The following BICRA variants were observed in gnomAD, a reference collection of about 807,000 sequenced individuals.
BICRA encodes the protein BRD4-interacting chromatin-remodeling complex-associated protein.
A neutral mutation model predicts 96.9 loss-of-function variants in BICRA; 31 were observed. That is an observed-to-expected ratio of 0.32 (90% CI 0.24 to 0.43). The LOEUF is 0.43. Ranked by LOEUF, BICRA falls within the 20% of genes least tolerant of loss-of-function variation. The probability of loss-of-function intolerance (pLI) is 1.00; values close to 1 mark genes in which losing one functional copy is unlikely to be tolerated. For missense variants in BICRA, 2,283 were observed against 2,190.3 expected (o/e 1.04, Z -0.84); for synonymous variants, 1,350 against 1,071.8 (o/e 1.26, Z -5.07).
At chr19:47,612,524 C>T (rs1971923706) in intron 1 of BICRA, among the ~76,000 whole-genome samples, 1 of 149,336 alleles carries the variant, frequency 6.7e-6, no homozygotes, top group South Asian at 2.1e-4. Context: ...AACAATTCCC[C>T]TTCAGTGACA....
Position 47,702,474 on chromosome 19 carries a change from G to A in BICRA, c.*59G>A, listed in dbSNP as rs1338598193. 1 of 1,409,586 alleles carries A rather than the reference G, an allele frequency of 7.1e-7. No individual in the cohort carries two copies. The highest frequency in any genetic ancestry group is 9.2e-7 in the Non-Finnish European group (1 of 1,091,394). 87.3% of individuals were successfully genotyped at this position (1,409,586 alleles called of 1,614,324 possible). On this transcript the variant is annotated 3_prime_UTR_variant, in exon 15 of 15. Transcript: ENST00000594866. ...CCCGAAGACGCCGGGACAGTCGGGT[G>A]TCCGCCCTCAGCCTCCTGGGGACTC...
rs147144150 is a variant in BICRA, at chr19:47,674,130, A to G, written c.84+368A>G. Among the ~76,000 whole-genome samples the G allele has an allele frequency of 4.1e-3, 622 of 152,300 alleles. 5 individuals are homozygous for G. The highest frequency in any genetic ancestry group is 9.9e-3 in the Admixed American group (151 of 15,286). On this transcript the variant is annotated intron_variant, in intron 4 of 14. Coordinates refer to ENST00000594866, the MANE Select transcript of BICRA (RefSeq NM_001394372.1). ...GGTCACACGAGGGAGGTAACATTGA[A>G]GGTGAGACCTGAAGGATCACAGGGA...
chr19:47,622,711 G>C (rs1972082400), intron 1 of BICRA, among the ~76,000 whole-genome samples: 1 of 109,180 alleles, frequency 9.2e-6, no homozygotes, highest in African/African-American at 3.6e-5. Flanking sequence ...GTGACAGAGT[G>C]AGACTCTGTC....
At chr19:47,621,421 A>G (rs1972062743) in intron 1 of BICRA, among the ~76,000 whole-genome samples, 1 of 150,478 alleles carries the variant, frequency 6.6e-6, no homozygotes, top group Admixed American at 6.6e-5. Context: ...CTTCTCAAGC[A>G]TGTCCCCTTC....
intron 1 of BICRA, among the ~76,000 whole-genome samples, chr19:47,659,877 G>A (rs1234061552): frequency 6.6e-6 from 1 of 152,094 alleles, no homozygotes; most frequent in African/African-American, 2.4e-5. Flanking sequence ...AGCTTCCCAA[G>A]TAGCTGGGAC....
At chr19:47,632,654 G>A (rs762134805) in intron 1 of BICRA, among the ~76,000 whole-genome samples, 6 of 152,174 alleles carry the variant, frequency 3.9e-5, no homozygotes, top group Non-Finnish European at 5.9e-5. Context: ...TAATAGTACC[G>A]CCCTCATGGG....
intron 1 of BICRA, among the ~76,000 whole-genome samples, chr19:47,611,973 C>T (rs1390381055): frequency 2.0e-5 from 3 of 151,600 alleles, no homozygotes; most frequent in African/African-American, 4.9e-5. Flanking sequence ...CAGGTTCAAG[C>T]GATTGTCCTG....
intron 8 of BICRA, 27 bp downstream of exon 8, chr19:47,694,753 C>T: frequency 8.4e-7 from 1 of 1,192,126 alleles, no homozygotes; most frequent in Non-Finnish European, 1.2e-6. Context: ...ACTGCCCGCC[C>T]CATCAGCCCC....
intron 7 of BICRA, among the ~76,000 whole-genome samples, chr19:47,682,427 A>C (rs1347538360): frequency 6.6e-6 from 1 of 152,180 alleles, no homozygotes; most frequent in Non-Finnish European, 1.5e-5. Context: ...TGAATAAGTA[A>C]TACATTCAGA....
intron 1 of BICRA, among the ~76,000 whole-genome samples, chr19:47,638,584 C>T (rs1014230413): frequency 3.4e-5 from 5 of 146,124 alleles, no homozygotes; most frequent in East Asian, 2.1e-4. Context: ...CTCTGTCACT[C>T]GCTCTCTCTG....
rs1973408582 is a variant in BICRA, at chr19:47,699,570, C to CGGGA, written c.3595+165_3595+166insGGGA. Among the ~76,000 whole-genome samples, 1 of 152,142 alleles carries CGGGA rather than the reference C, an allele frequency of 6.6e-6. No homozygotes were observed. Among genetic ancestry groups the CGGGA allele is most frequent in the South Asian group, 2.1e-4 (1 of 4,826 alleles). On this transcript the variant is annotated intron_variant, in intron 14 of 14. Transcript: ENST00000594866. This position sits in a 1 kb window ranked among gnomAD's most constrained non-coding sequence, Gnocchi z 5.0. The stretch of plus-strand genomic sequence containing the variant: ...TGCTGGCAGCTGTGCCTCCCCTGAC[C>CGGGA]TCCCGCCTCTCAGACCAGATAGCCC...
rs1348921925 is a variant in BICRA at position 47,681,960 on chromosome 19, G to A, written c.2107-16G>A. 7 of 1,537,122 alleles carry A rather than the reference G, an allele frequency of 4.6e-6. No individual in the cohort carries two copies. Among genetic ancestry groups the A allele is most frequent in the Non-Finnish European group, 6.1e-6 (7 of 1,143,206 alleles). ...TGGGGGCGGCTTTCTGATCCTGTGC[G>A]GGCTGCCCGTTGCAGGAGAGGAGCC... On this transcript the variant is annotated splice_polypyrimidine_tract_variant and intron_variant, in intron 6 of 14. Coordinates refer to ENST00000594866, the MANE Select transcript of BICRA (RefSeq NM_001394372.1).
At chr19:47,619,049 C>T (rs553520763) in intron 1 of BICRA, among the ~76,000 whole-genome samples, 9 of 152,268 alleles carry the variant, frequency 5.9e-5, no homozygotes, top group South Asian at 2.1e-4. Flanking sequence ...GGCCTGGGTG[C>T]GGGAGTTCTC....
Position 47,680,320 on chromosome 19 carries a change from C to T in BICRA, c.1150C>T (p.Pro384Ser), listed in dbSNP as rs781241214. ...AGATLTIQGEPGALPQQPKAP... is the reference protein window; with the variant it reads ...AGATLTIQGESGALPQQPKAP... The stretch of plus-strand genomic sequence containing the variant: ...CGCCACGCTCACCATCCAGGGCGAG[C>T]CGGGGGCGCTCCCGCAGCAGCCCAA... The change falls in exon 6 of 15, where the codon CCG (proline) becomes TCG (serine). Residue 384 changes from proline (P) to serine (S), a missense_variant. Transcript: ENST00000594866. 1 of 1,541,258 alleles carries T rather than the reference C, an allele frequency of 6.5e-7. No individual in the cohort carries two copies. The highest frequency in any genetic ancestry group is 8.7e-7 in the Non-Finnish European group (1 of 1,151,026).
In BICRA at chr19:47,698,582, CCCGTCCCCCCCACCCTCCG is replaced by C; in HGVS notation, c.3249-47_3249-29del. ...GTTCAGGGACTTCCCCTGGCCCTCA[CCCGTCCCCCCCACCCTCCG>C]CCGTGTGTGGTCTCTCCCCTTTCCA... is the stretch of plus-strand genomic sequence containing the variant. On this transcript the variant is annotated intron_variant, in intron 11 of 14. Coordinates refer to ENST00000594866, the MANE Select transcript of BICRA (RefSeq NM_001394372.1). This position sits in a 1 kb window ranked among gnomAD's most constrained non-coding sequence, Gnocchi z 4.8. 1.3e-6 allele frequency: 1 copy of C among 758,510 alleles called. No individual in the cohort carries two copies. Among genetic ancestry groups the C allele is most frequent in the Non-Finnish European group, 2.4e-6 (1 of 420,514 alleles). 47.0% of individuals were successfully genotyped at this position (758,510 alleles called of 1,614,324 possible).
At chr19:47,616,500 G>A (rs185115104) in intron 1 of BICRA, among the ~76,000 whole-genome samples, 368 of 152,214 alleles carry the variant, frequency 2.4e-3, no homozygotes, top group Middle Eastern at 6.8e-3. Context: ...TTAGCCAGGC[G>A]TGGTGGCGCA....
At chr19:47,608,934 ATT>A (rs563323203), upstream of BICRA, among the ~76,000 whole-genome samples, 6 of 134,460 alleles carry the variant, frequency 4.5e-5, no homozygotes, top group Non-Finnish European at 8.0e-5. Flanking sequence ...ATTAAAAAAA[ATT>A]TTTTTTTTTT....
chr19:47,686,096 A>G (rs1008368519), intron 7 of BICRA, among the ~76,000 whole-genome samples: 1 of 151,266 alleles, frequency 6.6e-6, no homozygotes, highest in Non-Finnish European at 1.5e-5. Context: ...GCATCCAGCT[A>G]ATATTTGTAT....
chr19:47,644,130 C>T (rs968040910), intron 1 of BICRA, among the ~76,000 whole-genome samples: 4 of 151,864 alleles, frequency 2.6e-5, no homozygotes, highest in African/African-American at 9.7e-5. Flanking sequence ...GGGATCCTTC[C>T]ACCTCAGTCT....
Sources: allele counts gnomAD v4.1 joint callset (sites outside exome capture counted in the v4.1 genomes callset), GRCh38; gene constraint gnomAD v4.1.1; non-coding constraint Gnocchi (gnomAD v3.1); transcripts MANE v1.5; gene names NCBI Gene and HGNC (gene_info 2026-07-23, HGNC 2026-07-21).